The following MTMR14 variants were observed in gnomAD, a reference collection of about 807,000 sequenced individuals.
The protein encoded by MTMR14 is myotubularin related protein 14.
Under a neutral mutation model 86.3 loss-of-function variants are expected in MTMR14, and 48 were observed. The observed-to-expected ratio is 0.56, with a 90% CI of 0.44 to 0.71. The LOEUF (loss-of-function observed/expected upper bound fraction) is 0.71, where lower values mean the gene tolerates loss of function less well. Ranked by LOEUF, MTMR14 falls within the 30% of genes least tolerant of loss-of-function variation. The pLI is 0.00. For synonymous variants in MTMR14, 366 were observed against 326.1 expected, an observed-to-expected ratio of 1.12 and a Z score of -1.32; for missense variants, 780 against 834.6, an observed-to-expected ratio of 0.93 and a Z score of 0.81.
chr3:9,698,747 C>T (rs1000069632), intron 18 of MTMR14, among the ~76,000 whole-genome samples: 6 of 152,176 alleles, frequency 3.9e-5, no homozygotes, highest in African/African-American at 1.4e-4. Context: ...TCCAGGATGG[C>T]ACAGGTCCTG....
Position 9,653,620 on chromosome 3 carries a change from G to T in MTMR14, c.160-1G>T, listed in dbSNP as rs751027243. 6.2e-7 allele frequency: 1 copy of T among 1,614,134 alleles called. No individual in the cohort carries two copies. Among genetic ancestry groups the T allele is most frequent in the Non-Finnish European group, 8.5e-7 (1 of 1,180,028 alleles). On this transcript the variant is annotated splice_acceptor_variant, in intron 1 of 18. Transcript: ENST00000296003. LOFTEE classifies it high-confidence loss of function. The stretch of plus-strand genomic sequence containing the variant: ...GTGTTCTGGTCTCCTTCTCTGTGCA[G>T]GTTGAGCGCATTGAGAAGAGATGTC...
intron 13 of MTMR14, among the ~76,000 whole-genome samples, chr3:9,685,663 T>C (rs1327680115): frequency 6.6e-6 from 1 of 152,150 alleles, no homozygotes; most frequent in Non-Finnish European, 1.5e-5. Flanking sequence ...CACTTTTCAA[T>C]GTCAGGGTGC....
At chr3:9,666,330 A>G (rs1319977122) in intron 3 of MTMR14, among the ~76,000 whole-genome samples, 1 of 150,874 alleles carries the variant, frequency 6.6e-6, no homozygotes, top group Non-Finnish European at 1.5e-5. Context: ...ACTGAGTTTC[A>G]CCATTTTGGC....
At chr3:9,689,888 T>G in intron 16 of MTMR14, 76 bp from the exon 17 acceptor site, 2 of 1,436,664 alleles carry the variant, frequency 1.4e-6, no homozygotes, top group Non-Finnish European at 1.9e-6. Flanking sequence ...AGCCTAGGCC[T>G]GAAATTCAGT....
chr3:9,649,550 C>T lies in MTMR14; in HGVS notation c.-34C>T, dbSNP rs1315193023. ...GGTGCAGGCAGGTGCCATGGGCCCG[C>T]TTGAGGCACACTGAGGGGACGCGGG... On this transcript the variant is annotated 5_prime_UTR_variant, in exon 1 of 19. Transcript: ENST00000296003. 2 of 1,527,100 alleles carry T rather than the reference C, an allele frequency of 1.3e-6. No individual in the cohort carries two copies. The highest frequency in any genetic ancestry group is 4.2e-5 in the Admixed American group (2 of 48,014). The allele number at this position is 1,527,100 out of a possible 1,614,324, so 94.6% of individuals were successfully genotyped here.
intron 10 of MTMR14, chr3:9,683,523 T>C (rs1475152506): frequency 2.4e-6 from 1 of 417,042 alleles, no homozygotes; most frequent in Non-Finnish European, 4.5e-6. Flanking sequence ...CACAACAGCA[T>C]TGTGTGTGGG....
chr3:9,697,859 A>C lies in MTMR14; in HGVS notation c.1762A>C (p.Ser588Arg). 1 of 1,613,982 alleles carries C rather than the reference A, an allele frequency of 6.2e-7. No homozygotes were observed. The highest frequency in any genetic ancestry group is 8.5e-7 in the Non-Finnish European group (1 of 1,180,012). ...CAGCTTCCCGGATGAGCTCCCTAAC[A>C]GTTGTCTGTAAGTGTCTTGCTTGAG... ...PFSFPDELPN[S>R]CLLAALSDRE... is the part of the protein sequence containing the mutation. The change falls in exon 18 of 19, where the codon AGT becomes CGT. Residue 588 changes from serine (S) to arginine (R), a missense_variant. Coordinates refer to ENST00000296003, the MANE Select transcript of MTMR14 (RefSeq NM_001077525.3).
chr3:9,665,449 A>T (rs1021973382), intron 3 of MTMR14, among the ~76,000 whole-genome samples: 5 of 152,220 alleles, frequency 3.3e-5, no homozygotes, highest in African/African-American at 1.2e-4. Flanking sequence ...AGGTGGAAAC[A>T]ATAGACGTCA....
At chr3:9,700,824 T>TC (rs1559626385) in intron 18 of MTMR14, 1 of 150,104 alleles carries the variant, frequency 6.7e-6, no homozygotes, top group African/African-American at 2.4e-5. Flanking sequence ...TTCTTTTCTT[T>TC]TTTTTTTTTT....
At chr3:9,691,036 C>T (rs1221334160) in intron 17 of MTMR14, among the ~76,000 whole-genome samples, 1 of 152,186 alleles carries the variant, frequency 6.6e-6, no homozygotes, top group Non-Finnish European at 1.5e-5. Context: ...CTGGAACCTT[C>T]CTCCCATCAC....
At chr3:9,692,099 C>T (rs2076155367) in intron 17 of MTMR14, among the ~76,000 whole-genome samples, 2 of 152,216 alleles carry the variant, frequency 1.3e-5, no homozygotes. Flanking sequence ...TCATTACCCT[C>T]CCTGCTTCTT....
In MTMR14 at chr3:9,668,304, A is replaced by T. The variant is rs545469542; in HGVS notation, c.418-415A>T. ...CACCCCTCATTATATGACCTTACAC[A>T]TCACTTAACCTCCCTTAGCCTGTTT... On this transcript the variant is annotated intron_variant, in intron 3 of 18. Coordinates refer to ENST00000296003, the MANE Select transcript of MTMR14 (RefSeq NM_001077525.3). Among the ~76,000 whole-genome samples, 10 of 152,314 alleles carry T rather than the reference A, an allele frequency of 6.6e-5. No individual in the cohort carries two copies. The East Asian group carries it at 1.9e-3, about 29-fold the overall frequency.
chr3:9,658,823 T>G (rs540116420), intron 2 of MTMR14, among the ~76,000 whole-genome samples: 1 of 152,164 alleles, frequency 6.6e-6, no homozygotes, highest in South Asian at 2.1e-4. Context: ...AGCCACCCAG[T>G]TTGGTAAGTG....
At position 9,662,280 on chromosome 3, in the gene MTMR14, G is replaced by A. The variant is rs764999122; in HGVS notation, c.322G>A (p.Val108Ile). 1.6e-5 allele frequency: 25 copies of A among 1,612,872 alleles called. No homozygotes were observed. Among genetic ancestry groups the A allele is most frequent in the African/African-American group, 5.4e-5 (4 of 74,438 alleles). The stretch of plus-strand genomic sequence containing the variant: ...CCTGTGTGTTAGGTTTGAGAGTACC[G>A]TACAGGTGAGCAAGTTGCAAGACCT... ...EKEKDTFEST[V>I]QVSKLQDLIH... is the part of the protein sequence containing the mutation. Residue 108 changes from valine (V) to isoleucine (I), a missense_variant, in exon 3 of 19, where the codon GTA becomes ATA. Coordinates refer to ENST00000296003, the MANE Select transcript of MTMR14 (RefSeq NM_001077525.3).
chr3:9,682,799 C>T (rs1329620983), intron 9 of MTMR14, among the ~76,000 whole-genome samples: 3 of 152,190 alleles, frequency 2.0e-5, no homozygotes, highest in Non-Finnish European at 4.4e-5. Flanking sequence ...CAGGGCTCTT[C>T]GTTTACCTTT....
intron 12 of MTMR14, 82 bp downstream of exon 12, chr3:9,685,046 G>T (rs1399781912): frequency 1.3e-6 from 2 of 1,518,724 alleles, no homozygotes; most frequent in Non-Finnish European, 1.8e-6. Flanking sequence ...CTTGACAGGG[G>T]CTGGAGGTAA....
intron 10 of MTMR14, chr3:9,683,778 T>G (rs1172360104): frequency 6.4e-6 from 1 of 157,286 alleles, no homozygotes; most frequent in Non-Finnish European, 1.4e-5. Context: ...ATGCATTGGC[T>G]TATGGAACCA....
At chr3:9,689,113 C>T in intron 16 of MTMR14, 31 bp downstream of exon 16, 3 of 1,604,602 alleles carry the variant, frequency 1.9e-6, no homozygotes, top group Non-Finnish European at 2.5e-6. Flanking sequence ...CAAGGTCACT[C>T]ACAGCTGTGG....
rs117645715 is a variant in MTMR14 at position 9,681,464 on chromosome 3, A to G, written c.898-1714A>G. On this transcript the variant is annotated intron_variant, in intron 9 of 18. Coordinates refer to ENST00000296003, the MANE Select transcript of MTMR14 (RefSeq NM_001077525.3). Reference sequence around the variant, plus strand: ...GACTAGGAAAAGAGGCAACAACGTAACCATCACCTACATTACAGTTTTTAC... The same window carrying G: ...GACTAGGAAAAGAGGCAACAACGTAGCCATCACCTACATTACAGTTTTTAC... Among the ~76,000 whole-genome samples the G allele has an allele frequency of 4.6e-5, 7 of 152,296 alleles. No individual in the cohort carries two copies. In the East Asian group the frequency reaches 1.4e-3, roughly 29 times the overall value.
Sources: allele counts gnomAD v4.1 joint callset (sites outside exome capture counted in the v4.1 genomes callset), GRCh38; gene constraint gnomAD v4.1.1; transcripts MANE v1.5; gene names NCBI Gene and HGNC (gene_info 2026-07-23, HGNC 2026-07-21).